The following UBE2E2 variants were observed in gnomAD, a reference collection of about 807,000 sequenced individuals.
The protein encoded by UBE2E2 is ubiquitin conjugating enzyme E2 E2.
A neutral mutation model predicts 24.7 loss-of-function variants in UBE2E2; 6 were observed. The ratio of observed to expected loss-of-function variants is 0.24; its 90% CI spans 0.13 to 0.48. UBE2E2 has a LOEUF of 0.48. Ranked by LOEUF, UBE2E2 falls within the 20% of genes least tolerant of loss-of-function variation. UBE2E2 has a pLI of 0.99. For synonymous variants in UBE2E2, 104 were observed against 83.6 expected (o/e 1.24, Z -1.33); for missense variants, 169 against 245.0 (o/e 0.69, Z 2.07).
chr3:23,505,228 G>A (rs1015924738), intron 4 of UBE2E2, among the ~76,000 whole-genome samples: 1 of 151,894 alleles, frequency 6.6e-6, no homozygotes, highest in African/African-American at 2.4e-5. Context: ...GCCTGTGTTA[G>A]AAATTATAAT....
intron 3 of UBE2E2, among the ~76,000 whole-genome samples, chr3:23,462,931 C>T (rs887855622): frequency 1.1e-4 from 16 of 152,216 alleles, no homozygotes; most frequent in African/African-American, 3.9e-4. Flanking sequence ...AATGGTGCCC[C>T]ATCCCAACTG....
intron 5 of UBE2E2, among the ~76,000 whole-genome samples, chr3:23,579,397 AAAAAC>A (rs1357781613): frequency 1.3e-5 from 2 of 148,620 alleles, no homozygotes; most frequent in African/African-American, 5.0e-5. Context: ...AAAAAAAAAA[AAAAAC>A]CTAAAAGCCT....
chr3:23,562,994 AT>A (rs1407089625), intron 5 of UBE2E2, among the ~76,000 whole-genome samples: 2 of 151,952 alleles, frequency 1.3e-5, no homozygotes, highest in Admixed American at 1.3e-4. Context: ...CAGTCTATCA[AT>A]TTTGTTGATC....
chr3:23,411,226 A>G (rs541286700), intron 3 of UBE2E2, among the ~76,000 whole-genome samples: 4 of 152,184 alleles, frequency 2.6e-5, no homozygotes, highest in Admixed American at 1.3e-4. Flanking sequence ...TGAACTGTTG[A>G]TAAAAGTCAG....
intron 3 of UBE2E2, among the ~76,000 whole-genome samples, chr3:23,222,473 T>C (rs899675598): frequency 6.6e-6 from 1 of 152,120 alleles, no homozygotes; most frequent in Non-Finnish European, 1.5e-5. Context: ...ATGGGGGTGG[T>C]ATCCCCCATA....
intron 3 of UBE2E2, among the ~76,000 whole-genome samples, chr3:23,400,223 G>T (rs1163907886): frequency 6.6e-6 from 1 of 152,160 alleles, no homozygotes; most frequent in Non-Finnish European, 1.5e-5. Flanking sequence ...TCATGTTCCT[G>T]TTATAGAAAA....
intron 3 of UBE2E2, among the ~76,000 whole-genome samples, chr3:23,295,890 A>T (rs1226096444): frequency 6.6e-6 from 1 of 152,158 alleles, no homozygotes; most frequent in African/African-American, 2.4e-5. Flanking sequence ...ATTGGAGCAG[A>T]TGTCCCCCAA....
At chr3:23,339,909 A>C (rs1176080022) in intron 3 of UBE2E2, among the ~76,000 whole-genome samples, 1 of 152,122 alleles carries the variant, frequency 6.6e-6, no homozygotes, top group African/African-American at 2.4e-5. Flanking sequence ...GTTTATTTTT[A>C]ATTGTCAGGA....
At chr3:23,421,176 A>T (rs114263672) in intron 3 of UBE2E2, among the ~76,000 whole-genome samples, 4,389 of 152,300 alleles carry the variant, frequency 0.029, 110 homozygotes, top group East Asian at 0.13. Context: ...TAAATATATC[A>T]TCTGAGAATC....
At chr3:23,417,852 A>G (rs1034752468) in intron 3 of UBE2E2, among the ~76,000 whole-genome samples, 1 of 152,174 alleles carries the variant, frequency 6.6e-6, no homozygotes, top group Non-Finnish European at 1.5e-5. Flanking sequence ...TTTTGTTTAC[A>G]CTGTGAGGGG....
chr3:23,335,037 A>G (rs1695165432), intron 3 of UBE2E2, among the ~76,000 whole-genome samples: 1 of 152,232 alleles, frequency 6.6e-6, no homozygotes, highest in Non-Finnish European at 1.5e-5. Flanking sequence ...AAATATGCAC[A>G]TAAATGAGTA....
At chr3:23,269,948 A>C (rs1698187188) in intron 3 of UBE2E2, among the ~76,000 whole-genome samples, 1 of 152,170 alleles carries the variant, frequency 6.6e-6, no homozygotes, top group African/African-American at 2.4e-5. Context: ...TCAAAACAAT[A>C]CCAGGAATTT....
chr3:23,550,136 A>T (rs537639443), intron 5 of UBE2E2, among the ~76,000 whole-genome samples: 2 of 152,116 alleles, frequency 1.3e-5, no homozygotes, highest in South Asian at 4.1e-4. Flanking sequence ...TTTACTTTCT[A>T]TAAAAAAACT....
chr3:23,214,334 G>A (rs909215391), intron 2 of UBE2E2, among the ~76,000 whole-genome samples: 1 of 151,936 alleles, frequency 6.6e-6, no homozygotes, highest in Non-Finnish European at 1.5e-5. Context: ...GATCACTGTG[G>A]CCTCAAATTC....
At position 23,570,266 on chromosome 3, in the gene UBE2E2, A is replaced by C. The variant is rs199833176; in HGVS notation, c.509-19468A>C. On this transcript the variant is annotated intron_variant, in intron 5 of 5. Coordinates refer to ENST00000396703, the MANE Select transcript of UBE2E2 (RefSeq NM_152653.4). Reference sequence around the variant, plus strand: ...TGTCATCTTCCTGCATCTTTGGCAAATACAGCCTTGCCATCCATGCCTTCT... The same window carrying C: ...TGTCATCTTCCTGCATCTTTGGCAACTACAGCCTTGCCATCCATGCCTTCT... Among the ~76,000 whole-genome samples the C allele has an allele frequency of 6.6e-5, 10 of 152,204 alleles. No individual in the cohort carries two copies. In the East Asian group the frequency reaches 1.7e-3, roughly 26 times the overall value.
chr3:23,237,009 A>T (rs1697130521), intron 3 of UBE2E2, among the ~76,000 whole-genome samples: 1 of 152,096 alleles, frequency 6.6e-6, no homozygotes, highest in Admixed American at 6.6e-5. Flanking sequence ...ATTGAGTTAG[A>T]GGCAGTATTA....
intron 3 of UBE2E2, among the ~76,000 whole-genome samples, chr3:23,461,578 T>C (rs1240245537): frequency 6.6e-6 from 1 of 152,162 alleles, no homozygotes; most frequent in East Asian, 1.9e-4. Flanking sequence ...CTCCCAGCAA[T>C]TTTCTATTTA....
At position 23,421,169 on chromosome 3, in the gene UBE2E2, A is replaced by T. The variant is rs183475451; in HGVS notation, c.228-78439A>T. Among the ~76,000 whole-genome samples the T allele has an allele frequency of 8.8e-3, 1,334 of 152,330 alleles. 21 individuals are homozygous for T. Among genetic ancestry groups the T allele is most frequent in the Non-Finnish European group, 9.0e-3 (612 of 68,026 alleles). ...CTCTTTCAGCTTGAAGGTCAGCTAA[A>T]TATATCATCTGAGAATCTGTAATTG... is the stretch of plus-strand genomic sequence containing the variant. On this transcript the variant is annotated intron_variant, in intron 3 of 5. Transcript: ENST00000396703.
intron 3 of UBE2E2, among the ~76,000 whole-genome samples, chr3:23,322,967 T>C (rs1694785506): frequency 6.6e-6 from 1 of 151,960 alleles, no homozygotes; most frequent in African/African-American, 2.4e-5. Context: ...TTTCACAACA[T>C]ACGTGGTTCA....
Sources: gnomAD v4.1 joint callset for allele counts (sites outside exome capture counted in the v4.1 genomes callset) on GRCh38, gnomAD v4.1.1 for gene constraint, MANE v1.5 for transcripts, NCBI Gene and HGNC (gene_info 2026-07-23, HGNC 2026-07-21) for gene names.